The following CFTR variants were observed in gnomAD, a reference collection of about 807,000 sequenced individuals.
CFTR encodes CF transmembrane conductance regulator, also known as cystic fibrosis transmembrane conductance regulator.
In CFTR, 181 loss-of-function variants were observed where a neutral mutation model predicts 171.6. That is an observed-to-expected ratio of 1.05 (90% CI 0.93 to 1.19). The LOEUF is 1.19. Among genes scored for constraint, CFTR ranks in the 50% most tolerant of loss-of-function variants. The probability of loss-of-function intolerance (pLI) is 0.00; values close to 1 mark genes in which losing one functional copy is unlikely to be tolerated. For synonymous variants in CFTR, 583 were observed against 608.0 expected (o/e 0.96, Z 0.60); for missense variants, 1,968 against 1,734.7 (o/e 1.13, Z -2.39).
At chr7:117,643,422 C>T (rs1192067000) in intron 23 of CFTR, among the ~76,000 whole-genome samples, 1 of 152,068 alleles carries the variant, frequency 6.6e-6, no homozygotes, top group African/African-American at 2.4e-5. Context: ...GCCAGGAGCA[C>T]CTCCAGGTAG....
In CFTR at chr7:117,627,628, T is replaced by G; in HGVS notation, c.3575T>G (p.Ile1192Ser). ...YKNGQLSKVM[I>S]IENSHVKKDD... Reference sequence around the variant, plus strand: ...AATGGCCAACTCTCGAAAGTTATGATTATTGAGAATTCACACGTGAAGAAA... The same window carrying G: ...AATGGCCAACTCTCGAAAGTTATGAGTATTGAGAATTCACACGTGAAGAAA... Residue 1192 changes from isoleucine (I) to serine (S), a missense_variant, in exon 22 of 27, where the codon ATT becomes AGT. By Grantham distance (142) the Ile-to-Ser change is moderately radical. Transcript: ENST00000003084. 1 of 1,613,508 alleles carries G rather than the reference T, an allele frequency of 6.2e-7. No individual in the cohort carries two copies.
chr7:117,667,129 A>G lies in CFTR; in HGVS notation c.*21A>G, dbSNP rs754682917. 8 of 1,604,150 alleles carry G rather than the reference A, an allele frequency of 5.0e-6. No individual in the cohort carries two copies. The Admixed American group carries it at 6.7e-5, about 13-fold the overall frequency. The stretch of plus-strand genomic sequence containing the variant: ...TTTAGAGAGCAGCATAAATGTTGAC[A>G]TGGGACATTTGCTCATGGAATTGGA... On this transcript the variant is annotated 3_prime_UTR_variant, in exon 27 of 27. Coordinates refer to ENST00000003084, the MANE Select transcript of CFTR (RefSeq NM_000492.4).
At chr7:117,583,918 A>G (rs1028988531) in intron 11 of CFTR, among the ~76,000 whole-genome samples, 1 of 152,056 alleles carries the variant, frequency 6.6e-6, no homozygotes, top group African/African-American at 2.4e-5. Flanking sequence ...CATTTCCCTG[A>G]TAATCAGTGA....
chr7:117,592,541 C>T lies in CFTR; in HGVS notation c.2374C>T (p.Arg792Ter), dbSNP rs145449046. The change falls in exon 14 of 27, where the codon CGA (arginine) becomes TGA (stop). Residue 792 changes from arginine to a stop codon, truncating the protein, a stop_gained. Transcript: ENST00000003084. LOFTEE classifies it high-confidence loss of function. ...NIHRKTTASTRKVSLAPQANL... is the reference protein window; with the variant it reads ...NIHRKTTAST ...TCACCGAAAGACAACAGCATCCACA[C>T]GAAAAGTGTCACTGGCCCCTCAGGC... The T allele has an allele frequency of 3.3e-6, 5 of 1,520,924 alleles. No individual in the cohort carries two copies. The African/African-American group carries it at 4.2e-5, about 13-fold the overall frequency. The allele number at this position is 1,520,924 out of a possible 1,614,324, so 94.2% of individuals were successfully genotyped here. A position where few individuals can be genotyped will look rare whatever the true frequency, so the allele number is the denominator to read the frequency against.
At chr7:117,597,830 C>CGG (rs958360753) in intron 15 of CFTR, among the ~76,000 whole-genome samples, 1 of 149,602 alleles carries the variant, frequency 6.7e-6, no homozygotes, top group Non-Finnish European at 1.5e-5. Flanking sequence ...AAAAAAGGGG[C>CGG]GGGGGGGCAG....
In CFTR at chr7:117,566,850, C is replaced by A. The variant is rs58698627; in HGVS notation, c.1584+7195C>A. ...AGTCAAAGTGAAAATGTGCTGAATT[C>A]CAAAAGTGTGAGCTAGGTTTTAGAA... is the stretch of plus-strand genomic sequence containing the variant. On this transcript the variant is annotated intron_variant, in intron 11 of 26. Transcript: ENST00000003084. Among the ~76,000 whole-genome samples the A allele has an allele frequency of 2.1e-3, 316 of 152,252 alleles. 2 individuals are homozygous for A. The highest frequency in any genetic ancestry group is 7.3e-3 in the African/African-American group (304 of 41,552).
At position 117,542,115 on chromosome 7, in the gene CFTR, A is replaced by T. The variant is rs767301152; in HGVS notation, c.1209+7A>T. ...AACAGCCTTCTGGGAGGAGGTCAGAATTTTTAAAAAATTGTTTGCTCTAAA... is the reference window on the plus strand; with the variant it reads ...AACAGCCTTCTGGGAGGAGGTCAGATTTTTTAAAAAATTGTTTGCTCTAAA... On this transcript the variant is annotated splice_region_variant and intron_variant, in intron 9 of 26. Transcript: ENST00000003084. 25 of 1,498,614 alleles carry T rather than the reference A, an allele frequency of 1.7e-5. No individual in the cohort carries two copies. Among genetic ancestry groups the T allele is most frequent in the Non-Finnish European group, 2.2e-5 (24 of 1,075,172 alleles). 92.8% of individuals were successfully genotyped at this position (1,498,614 alleles called of 1,614,324 possible). A position where few individuals can be genotyped will look rare whatever the true frequency, so the allele number is the denominator to read the frequency against.
At chr7:117,660,123 C>T (rs1293658819) in intron 24 of CFTR, among the ~76,000 whole-genome samples, 1 of 151,920 alleles carries the variant, frequency 6.6e-6, no homozygotes, top group Non-Finnish European at 1.5e-5. Flanking sequence ...AGCTCATCAG[C>T]ATGAAGCTGG....
At chr7:117,532,913 T>C (rs921196222) in intron 4 of CFTR, among the ~76,000 whole-genome samples, 1 of 152,164 alleles carries the variant, frequency 6.6e-6, no homozygotes, top group Non-Finnish European at 1.5e-5. Flanking sequence ...CTTTCCCATA[T>C]CTGACCTGTT....
In CFTR at chr7:117,587,806, G is replaced by T. The variant is rs75527207; in HGVS notation, c.1652G>T (p.Gly551Val). ...LGEGGITLSG[G>V]QRARISLARA... ...GAAGGTGGAATCACACTGAGTGGAG[G>T]TCAACGAGCAAGAATTTCTTTAGCA... Residue 551 changes from glycine (G) to valine (V), a missense_variant, in exon 12 of 27, where the codon GGT becomes GTT. Transcript: ENST00000003084. 1 of 1,609,586 alleles carries T rather than the reference G, an allele frequency of 6.2e-7. No individual in the cohort carries two copies. The highest frequency in any genetic ancestry group is 8.5e-7 in the Non-Finnish European group (1 of 1,176,248).
intron 24 of CFTR, among the ~76,000 whole-genome samples, chr7:117,658,668 A>G (rs1483800015): frequency 1.3e-5 from 2 of 152,072 alleles, no homozygotes; most frequent in African/African-American, 4.8e-5. Context: ...CAGTTTCCCA[A>G]GGCCAAGACC....
At chr7:117,656,387 T>G (rs953744678) in intron 24 of CFTR, among the ~76,000 whole-genome samples, 2 of 152,202 alleles carry the variant, frequency 1.3e-5, no homozygotes, top group Non-Finnish European at 2.9e-5. Context: ...TATGTGGCTG[T>G]GAGCACTGCC....
intron 14 of CFTR, among the ~76,000 whole-genome samples, chr7:117,594,212 TC>T (rs1329316497): frequency 2.0e-5 from 3 of 152,158 alleles, no homozygotes; most frequent in Non-Finnish European, 2.9e-5. Flanking sequence ...AAATGCATAC[TC>T]CTAACCAGTG....
chr7:117,561,750 A>G (rs1203334933), intron 11 of CFTR, among the ~76,000 whole-genome samples: 2 of 152,158 alleles, frequency 1.3e-5, no homozygotes, highest in East Asian at 3.8e-4. Context: ...AAAGATTGAC[A>G]TATCAATAAC....
intron 11 of CFTR, among the ~76,000 whole-genome samples, chr7:117,568,271 C>G (rs1022266909): frequency 5.3e-5 from 8 of 152,160 alleles, no homozygotes; most frequent in African/African-American, 1.9e-4. Flanking sequence ...GAACTTTACA[C>G]TGGGGGCCAT....
chr7:117,661,674 C>G lies in CFTR; in HGVS notation c.3964-3014C>G, dbSNP rs187969239. Among the ~76,000 whole-genome samples the G allele has an allele frequency of 1.3e-3, 197 of 152,252 alleles. 1 individual carries two copies. Among genetic ancestry groups the G allele is most frequent in the Admixed American group, 3.7e-3 (56 of 15,286 alleles). On this transcript the variant is annotated intron_variant, in intron 24 of 26. Coordinates refer to ENST00000003084, the MANE Select transcript of CFTR (RefSeq NM_000492.4). The stretch of plus-strand genomic sequence containing the variant: ...TCACACAAAGGTAGTGTTTCAGTTC[C>G]TGAGCCCATGTCCTTGGAGTTGCCC...
At chr7:117,575,010 A>G (rs1791750878) in intron 11 of CFTR, among the ~76,000 whole-genome samples, 1 of 152,036 alleles carries the variant, frequency 6.6e-6, no homozygotes, top group South Asian at 2.1e-4. Context: ...CCTGATGGAC[A>G]TTTAGATTCT....
chr7:117,556,138 C>T (rs1220681160), intron 10 of CFTR, among the ~76,000 whole-genome samples: 1 of 152,076 alleles, frequency 6.6e-6, no homozygotes, highest in Admixed American at 6.6e-5. Flanking sequence ...GATCTCGGCT[C>T]ACTGCAACCT....
Position 117,480,052 on chromosome 7 carries a change from G to A in CFTR, c.-43G>A. On this transcript the variant is annotated 5_prime_UTR_variant, in exon 1 of 27. Transcript: ENST00000003084. Reference sequence around the variant, plus strand: ...AGTAGGTCTTTGGCATTAGGAGCTTGAGCCCAGACGGCCCTAGCAGGGACC... The same window carrying A: ...AGTAGGTCTTTGGCATTAGGAGCTTAAGCCCAGACGGCCCTAGCAGGGACC... The A allele has an allele frequency of 6.2e-7, 1 of 1,601,746 alleles. No homozygotes were observed. The highest frequency in any genetic ancestry group is 1.1e-5 in the South Asian group (1 of 90,860).
Sources: gnomAD v4.1 joint callset for allele counts (sites outside exome capture counted in the v4.1 genomes callset) on GRCh38, gnomAD v4.1.1 for gene constraint, MANE v1.5 for transcripts, NCBI Gene and HGNC (gene_info 2026-07-23, HGNC 2026-07-21) for gene names.